OLFM2: variants seen among roughly 807,000 people sequenced by gnomAD.
OLFM2 encodes olfactomedin 2.
In OLFM2, 20 loss-of-function variants were observed where a neutral mutation model predicts 43.9. That is an observed-to-expected ratio of 0.46 (90% CI 0.32 to 0.66). The LOEUF is 0.66. OLFM2 is among the 30% of genes least tolerant of loss of function. OLFM2 has a pLI of 0.04. For missense variants in OLFM2, 416 were observed against 643.6 expected (o/e 0.65, Z 3.83); for synonymous variants, 268 against 278.6 (o/e 0.96, Z 0.38).
intron 1 of OLFM2, among the ~76,000 whole-genome samples, chr19:9,882,212 C>G (rs1166543456): frequency 6.6e-6 from 1 of 150,920 alleles, no homozygotes; most frequent in Non-Finnish European, 1.5e-5. Context: ...TGCACTCCAG[C>G]CTGGGCAACA....
At chr19:9,860,942 C>T (rs1025755488) in intron 1 of OLFM2, 148 bp from the exon 2 acceptor site, 1 of 787,392 alleles carries the variant, frequency 1.3e-6, no homozygotes, top group Non-Finnish European at 2.0e-6. Flanking sequence ...GATCTCAGGC[C>T]CTCCTTAAGG....
At chr19:9,882,561 A>G (rs974319445) in intron 1 of OLFM2, among the ~76,000 whole-genome samples, 16 of 151,436 alleles carry the variant, frequency 1.1e-4, no homozygotes, top group African/African-American at 3.6e-4. Flanking sequence ...AAATACATGA[A>G]TTTTTGGGGG....
chr19:9,905,050 A>T (rs749573333), intron 1 of OLFM2, among the ~76,000 whole-genome samples: 12 of 151,828 alleles, frequency 7.9e-5, no homozygotes, highest in Non-Finnish European at 1.5e-4. Context: ...GGCCAGGCAC[A>T]GTAGCTCATG....
chr19:9,890,143 G>A (rs1268255885), intron 1 of OLFM2, among the ~76,000 whole-genome samples: 1 of 152,100 alleles, frequency 6.6e-6, no homozygotes. Context: ...CAGCTGGCAA[G>A]ACGGGGAAGG....
Position 9,856,930 on chromosome 19 carries a change from G to T in OLFM2, c.581-17C>A, listed in dbSNP as rs2046323873. 1 of 1,575,298 alleles carries T rather than the reference G, an allele frequency of 6.3e-7. No individual in the cohort carries two copies. The highest frequency in any genetic ancestry group is 8.7e-7 in the Non-Finnish European group (1 of 1,153,512). ...TCCCACAGCCTGGGAGGCAGGAACA[G>T]GGGGAATGAGGATGGGGAAATGAAC... On this transcript the variant is annotated splice_polypyrimidine_tract_variant and intron_variant, in intron 4 of 5. Transcript: ENST00000264833. This position sits in a 1 kb window ranked among gnomAD's most constrained non-coding sequence, Gnocchi z 4.0.
chr19:9,898,214 G>A (rs976758457), intron 1 of OLFM2, among the ~76,000 whole-genome samples: 2 of 147,744 alleles, frequency 1.4e-5, no homozygotes, highest in Non-Finnish European at 3.0e-5. Context: ...CCTGGCCCCA[G>A]CTAATTTTTT....
At chr19:9,880,139 CA>C (rs2046527275) in intron 1 of OLFM2, among the ~76,000 whole-genome samples, 2 of 152,164 alleles carry the variant, frequency 1.3e-5, no homozygotes, top group Admixed American at 1.3e-4. Flanking sequence ...GCCAGGATTA[CA>C]GATGCGAGCC....
intron 1 of OLFM2, among the ~76,000 whole-genome samples, chr19:9,904,395 T>C (rs2046767943): frequency 6.6e-6 from 1 of 151,962 alleles, no homozygotes; most frequent in South Asian, 2.1e-4. Flanking sequence ...TTCACCATGT[T>C]GGCCAGGCTA....
intron 1 of OLFM2, among the ~76,000 whole-genome samples, chr19:9,889,347 C>A (rs1599482780): frequency 6.6e-6 from 1 of 152,074 alleles, no homozygotes; most frequent in Admixed American, 6.6e-5. Context: ...CTCCCAGGCT[C>A]AAGCAATCCT....
intron 1 of OLFM2, among the ~76,000 whole-genome samples, chr19:9,866,886 A>G (rs1200808563): frequency 6.6e-6 from 1 of 152,188 alleles, no homozygotes; most frequent in African/African-American, 2.4e-5. Context: ...GCACTCAAGT[A>G]TCTGTTCCTC....
intron 1 of OLFM2, among the ~76,000 whole-genome samples, chr19:9,879,451 G>A (rs559913575): frequency 1.7e-4 from 26 of 152,078 alleles, no homozygotes; most frequent in African/African-American, 3.1e-4. Context: ...TTGTTTAAAC[G>A]TGTGTAGCAC....
At chr19:9,912,516 G>A (rs943904031) in intron 1 of OLFM2, among the ~76,000 whole-genome samples, 1 of 152,096 alleles carries the variant, frequency 6.6e-6, no homozygotes, top group African/African-American at 2.4e-5. Context: ...GAACAGGGGT[G>A]GGGCTACCAG....
intron 1 of OLFM2, among the ~76,000 whole-genome samples, chr19:9,919,854 G>A (rs1012589321): frequency 2.0e-5 from 3 of 147,654 alleles, no homozygotes; most frequent in African/African-American, 7.6e-5. Context: ...GAGTGCAGTG[G>A]TGAGAGCTCG....
chr19:9,890,187 T>C (rs1599483248), intron 1 of OLFM2, among the ~76,000 whole-genome samples: 1 of 152,164 alleles, frequency 6.6e-6, no homozygotes, highest in Admixed American at 6.5e-5. Context: ...CCAGCACCTA[T>C]TATTCTTCTT....
In OLFM2 at chr19:9,902,957, C is replaced by T. The variant is rs370806857; in HGVS notation, c.63+33347G>A. On this transcript the variant is annotated intron_variant, in intron 1 of 5. Coordinates refer to ENST00000264833, the MANE Select transcript of OLFM2 (RefSeq NM_058164.4). ...CCTCCCAAGTAGCTGGGACCACGGG[C>T]GGGTACCACCACGCCCAGCTAATTT... Among the ~76,000 whole-genome samples the T allele has an allele frequency of 3.7e-3, 558 of 151,746 alleles. 4 individuals carry two copies. The highest frequency in any genetic ancestry group is 0.013 in the African/African-American group (541 of 41,314).
At position 9,854,192 on chromosome 19, in the gene OLFM2, G is replaced by GTC. The variant is rs771902271; in HGVS notation, c.1357_1358dup (p.Asp453GlufsTer32). On this transcript the variant is annotated frameshift_variant, in exon 6 of 6. Coordinates refer to ENST00000264833, the MANE Select transcript of OLFM2 (RefSeq NM_058164.4). LOFTEE classifies it high-confidence loss of function. The surrounding 1 kb of genome is among the most constrained non-coding windows in gnomAD (Gnocchi z 9.5). ...CCCGAGCCACAGCATTGGCTCAGGG[G>GTC]TCCCCAGAGGTGCTGATGACGTGAA... 6.2e-6 allele frequency: 10 copies of GTC among 1,614,018 alleles called. No individual in the cohort carries two copies. In the African/African-American group the frequency reaches 1.3e-4, roughly 22 times the overall value.
At chr19:9,934,361 G>A (rs1267270481) in intron 1 of OLFM2, among the ~76,000 whole-genome samples, 1 of 151,920 alleles carries the variant, frequency 6.6e-6, no homozygotes, top group Non-Finnish European at 1.5e-5. Context: ...CTTTAGCCCC[G>A]CCTCCACTGA....
chr19:9,887,534 C>T (rs1328731120), intron 1 of OLFM2, among the ~76,000 whole-genome samples: 2 of 152,106 alleles, frequency 1.3e-5, no homozygotes, highest in African/African-American at 4.8e-5. Flanking sequence ...CTACCCATTG[C>T]TCTACCCTCT....
intron 1 of OLFM2, among the ~76,000 whole-genome samples, chr19:9,918,446 C>A (rs1167990523): frequency 2.0e-5 from 3 of 152,172 alleles, no homozygotes; most frequent in African/African-American, 7.2e-5. Context: ...CCTGCCTCAG[C>A]CTCCCAAAAT....
Sources: gnomAD v4.1 joint callset for allele counts (sites outside exome capture counted in the v4.1 genomes callset) on GRCh38, gnomAD v4.1.1 for gene constraint, Gnocchi (gnomAD v3.1) non-coding constraint, MANE v1.5 for transcripts, NCBI Gene and HGNC (gene_info 2026-07-23, HGNC 2026-07-21) for gene names.